METTL24: variants seen among roughly 807,000 people sequenced by gnomAD.
The protein encoded by METTL24 is probable methyltransferase-like protein 24.
A neutral mutation model predicts 32.7 loss-of-function variants in METTL24; 29 were observed. The observed-to-expected ratio is 0.89, with a 90% CI of 0.66 to 1.21. METTL24 has a LOEUF of 1.21. METTL24 is among the 50% of genes most tolerant of loss of function. The probability of loss-of-function intolerance (pLI) is 0.00; values close to 1 mark genes in which losing one functional copy is unlikely to be tolerated. For synonymous variants in METTL24, 163 were observed against 179.5 expected (o/e 0.91, Z 0.73); for missense variants, 439 against 468.1 (o/e 0.94, Z 0.57).
chr6:110,343,883 A>G (rs1772412925), intron 1 of METTL24, among the ~76,000 whole-genome samples: 1 of 152,250 alleles, frequency 6.6e-6, no homozygotes, highest in Non-Finnish European at 1.5e-5. Context: ...AGGAGACAGC[A>G]GTGGCCAGAG....
chr6:110,284,090 C>A (rs1319481308), intron 4 of METTL24, among the ~76,000 whole-genome samples: 2 of 152,136 alleles, frequency 1.3e-5, no homozygotes, highest in Non-Finnish European at 2.9e-5. Flanking sequence ...AAACATTATG[C>A]AAAGTGAAAT....
At chr6:110,281,076 T>C (rs137913970) in intron 4 of METTL24, among the ~76,000 whole-genome samples, 201 of 152,314 alleles carry the variant, frequency 1.3e-3, no homozygotes, top group African/African-American at 4.6e-3. Flanking sequence ...ATGCCACTTA[T>C]GTGATTAAAA....
intron 1 of METTL24, among the ~76,000 whole-genome samples, chr6:110,342,118 C>G (rs1374572915): frequency 6.6e-6 from 1 of 152,186 alleles, no homozygotes; most frequent in Non-Finnish European, 1.5e-5. Context: ...TTGACAACCC[C>G]CTGGTGGTCA....
intron 4 of METTL24, among the ~76,000 whole-genome samples, chr6:110,292,356 TTGATAATC>T (rs1771335189): frequency 6.6e-6 from 1 of 152,234 alleles, no homozygotes; most frequent in African/African-American, 2.4e-5. Context: ...CTTTTTATCT[TTGATAATC>T]TGATGAAAAC....
intron 4 of METTL24, among the ~76,000 whole-genome samples, chr6:110,275,067 A>C (rs1582395359): frequency 6.6e-6 from 1 of 151,660 alleles, no homozygotes; most frequent in African/African-American, 2.4e-5. Context: ...CCAAAGTGCC[A>C]GGATTACAGG....
intron 4 of METTL24, among the ~76,000 whole-genome samples, chr6:110,253,442 G>A (rs1214229217): frequency 6.6e-6 from 1 of 152,168 alleles, no homozygotes; most frequent in Non-Finnish European, 1.5e-5. Flanking sequence ...AACTAGAACA[G>A]AGACTAAGTG....
chr6:110,291,177 G>A (rs1233188363), intron 4 of METTL24, among the ~76,000 whole-genome samples: 1 of 152,086 alleles, frequency 6.6e-6, no homozygotes, highest in Non-Finnish European at 1.5e-5. Context: ...TTGATGAGCA[G>A]AGAGTTTTGA....
Position 110,357,787 on chromosome 6 carries a change from A to G in METTL24, c.318+168T>C, listed in dbSNP as rs78213871. 3.8e-3 allele frequency: 889 copies of G among 235,934 alleles called. 11 individuals carry two copies. The highest frequency in any genetic ancestry group is 0.02 in the African/African-American group (859 of 43,436). 14.6% of individuals were successfully genotyped at this position (235,934 alleles called of 1,614,324 possible). ...GCACTTCAGTCTATCTGGGCACTGA[A>G]AGATGCGACCCGTGGAGCCGCCTAA... is the stretch of plus-strand genomic sequence containing the variant. On this transcript the variant is annotated intron_variant, in intron 1 of 4. Transcript: ENST00000338882.
At position 110,322,971 on chromosome 6, in the gene METTL24, T is replaced by C; in HGVS notation, c.319-99A>G. ...AGAGGAAGCAAGGCTGCTTTGGCTGTCAGCAAAACACACACATATGCACAC... is the reference window on the plus strand; with the variant it reads ...AGAGGAAGCAAGGCTGCTTTGGCTGCCAGCAAAACACACACATATGCACAC... On this transcript the variant is annotated intron_variant, in intron 1 of 4. Transcript: ENST00000338882. 7 of 845,526 alleles carry C rather than the reference T, an allele frequency of 8.3e-6. No homozygotes were observed. The South Asian group carries it at 1.2e-4, about 14-fold the overall frequency. 52.4% of individuals were successfully genotyped at this position (845,526 alleles called of 1,614,324 possible).
rs181485267 is a variant in METTL24 at position 110,257,447 on chromosome 6, A to G, written c.787-11187T>C. Reference sequence around the variant, plus strand: ...AAATTAATTTCTCTGCCACATTTCAAGTGCTCAATAGCCATATATGGCTAG... The same window carrying G: ...AAATTAATTTCTCTGCCACATTTCAGGTGCTCAATAGCCATATATGGCTAG... On this transcript the variant is annotated intron_variant, in intron 4 of 4. Coordinates refer to ENST00000338882, the MANE Select transcript of METTL24 (RefSeq NM_001123364.3). Among the ~76,000 whole-genome samples the G allele has an allele frequency of 3.3e-5, 5 of 152,312 alleles. No homozygotes were observed. The East Asian group carries it at 9.7e-4, about 29-fold the overall frequency.
At chr6:110,329,365 T>C (rs554482160) in intron 1 of METTL24, among the ~76,000 whole-genome samples, 2 of 152,320 alleles carry the variant, frequency 1.3e-5, no homozygotes, top group African/African-American at 4.8e-5. Context: ...AAGCCTAAGC[T>C]TTCTGGGAGA....
At chr6:110,322,939 G>A (rs1190505463) in intron 1 of METTL24, 67 bp from the exon 2 acceptor site, 16 of 1,276,970 alleles carry the variant, frequency 1.3e-5, no homozygotes, top group South Asian at 2.6e-5. Flanking sequence ...GAAGGACACA[G>A]TATCAGAGAG....
intron 3 of METTL24, among the ~76,000 whole-genome samples, chr6:110,310,277 G>C (rs1771698172): frequency 6.6e-6 from 1 of 152,102 alleles, no homozygotes; most frequent in Non-Finnish European, 1.5e-5. Flanking sequence ...AACTAAAAAA[G>C]AGACAAAAAA....
chr6:110,336,038 C>T (rs1475841148), intron 1 of METTL24, among the ~76,000 whole-genome samples: 2 of 152,206 alleles, frequency 1.3e-5, no homozygotes, highest in African/African-American at 2.4e-5. Flanking sequence ...CACTGATAAA[C>T]TCAGTGCAAC....
rs1312499718 is a variant in METTL24 at position 110,358,182 on chromosome 6, C to T, written c.91G>A (p.Ala31Thr). The T allele has an allele frequency of 1.8e-5, 26 of 1,416,954 alleles. No homozygotes were observed. The highest frequency in any genetic ancestry group is 3.1e-5 in the East Asian group (1 of 32,010). 87.8% of individuals were successfully genotyped at this position (1,416,954 alleles called of 1,614,324 possible). A position where few individuals can be genotyped will look rare whatever the true frequency, so the allele number is the denominator to read the frequency against. Residue 31 changes from alanine (A) to threonine (T), a missense_variant, in exon 1 of 5, where the codon GCA becomes ACA. Ala to Thr is a moderately conservative substitution (Grantham distance 58). Coordinates refer to ENST00000338882, the MANE Select transcript of METTL24 (RefSeq NM_001123364.3). ...AVLLFGLRLC[A>T]ELRRAGPGSP... is the part of the protein sequence containing the mutation. ...CCGGGCCCGGCGCGCCGCAGCTCTGCGCAGAGCCGCAGGCCGAACAACAGC... is the reference window on the plus strand; with the variant it reads ...CCGGGCCCGGCGCGCCGCAGCTCTGTGCAGAGCCGCAGGCCGAACAACAGC...
intron 1 of METTL24, among the ~76,000 whole-genome samples, chr6:110,333,507 G>A (rs1392303697): frequency 6.6e-6 from 1 of 152,150 alleles, no homozygotes; most frequent in African/African-American, 2.4e-5. Flanking sequence ...AGGCTAGAGT[G>A]CAGTGACATG....
intron 1 of METTL24, among the ~76,000 whole-genome samples, chr6:110,353,909 T>C (rs756487): frequency 0.24 from 36,701 of 151,830 alleles, 4,873 homozygotes; most frequent in African/African-American, 0.34. Flanking sequence ...TTATCTGTAA[T>C]CATAGTAAAG....
At chr6:110,332,760 T>C (rs1772130759) in intron 1 of METTL24, among the ~76,000 whole-genome samples, 1 of 151,848 alleles carries the variant, frequency 6.6e-6, no homozygotes, top group South Asian at 2.1e-4. Context: ...AGTTACAAAA[T>C]TAGCCAAGTG....
chr6:110,281,132 G>T (rs1057512693), intron 4 of METTL24, among the ~76,000 whole-genome samples: 1 of 152,090 alleles, frequency 6.6e-6, no homozygotes, highest in Non-Finnish European at 1.5e-5. Flanking sequence ...GACAGCATTT[G>T]GGATAGGACT....
Sources: gnomAD v4.1 joint callset for allele counts (sites outside exome capture counted in the v4.1 genomes callset) on GRCh38, gnomAD v4.1.1 for gene constraint, MANE v1.5 for transcripts, NCBI Gene and HGNC (gene_info 2026-07-23, HGNC 2026-07-21) for gene names.